The following PLCG2 variants were observed in gnomAD, a reference collection of about 807,000 sequenced individuals.
PLCG2 encodes 1-phosphatidylinositol 4,5-bisphosphate phosphodiesterase gamma-2.
A neutral mutation model predicts 175.6 loss-of-function variants in PLCG2; 69 were observed. That is an observed-to-expected ratio of 0.39 (90% CI 0.32 to 0.48). PLCG2 has a LOEUF of 0.48. PLCG2 is among the 20% of genes least tolerant of loss of function. The pLI, the probability that PLCG2 is intolerant of heterozygous loss-of-function variation, is 0.91. For missense variants in PLCG2, 1,798 were observed against 1,650.9 expected (o/e 1.09, Z -1.54); for synonymous variants, 827 against 624.0 (o/e 1.33, Z -4.85).
At chr16:81,814,017 C>T (rs796766459) in intron 2 of PLCG2, among the ~76,000 whole-genome samples, 10 of 152,240 alleles carry the variant, frequency 6.6e-5, no homozygotes, top group African/African-American at 2.4e-4. Flanking sequence ...CTCTCTGAGC[C>T]TTGACCTTGG....
At chr16:81,836,388 G>C (rs1022555150) in intron 2 of PLCG2, among the ~76,000 whole-genome samples, 4 of 152,192 alleles carry the variant, frequency 2.6e-5, no homozygotes, top group African/African-American at 9.7e-5. Flanking sequence ...GCTGTCTGCA[G>C]GGGAGAGCAC....
intron 2 of PLCG2, among the ~76,000 whole-genome samples, chr16:81,756,545 T>G (rs1306024899): frequency 6.6e-6 from 1 of 152,110 alleles, no homozygotes; most frequent in Non-Finnish European, 1.5e-5. Context: ...CCAGAGCTTA[T>G]GAAGGTGACC....
chr16:81,939,530 C>A (rs1009456923), intron 29 of PLCG2, among the ~76,000 whole-genome samples: 1 of 152,166 alleles, frequency 6.6e-6, no homozygotes, highest in South Asian at 2.1e-4. Context: ...AGCTGTAGAA[C>A]CCCCTGCTGG....
At chr16:81,829,466 C>G (rs1905175102) in intron 2 of PLCG2, among the ~76,000 whole-genome samples, 1 of 152,242 alleles carries the variant, frequency 6.6e-6, no homozygotes, top group Non-Finnish European at 1.5e-5. Flanking sequence ...GATCCACCCT[C>G]CTTGGCCTCC....
chr16:81,786,205 A>G (rs1486493902), intron 2 of PLCG2, 23 bp downstream of exon 2: 1 of 1,606,526 alleles, frequency 6.2e-7, no homozygotes, highest in Non-Finnish European at 8.5e-7. Context: ...TGGGTGGGGC[A>G]GTGTGGCCCG....
At chr16:81,912,817 C>A in intron 19 of PLCG2, 101 bp downstream of exon 19, 3 of 1,379,078 alleles carry the variant, frequency 2.2e-6, no homozygotes, top group Non-Finnish European at 2.9e-6. Context: ...ACCTGCAGTG[C>A]CCTGCCCCCC....
At chr16:81,904,968 A>C (rs1015697861) in intron 14 of PLCG2, among the ~76,000 whole-genome samples, 8 of 152,000 alleles carry the variant, frequency 5.3e-5, no homozygotes, top group African/African-American at 1.9e-4. Context: ...GCTCACTGCA[A>C]CCTCCACTTC....
chr16:81,894,284 C>T (rs921049112), intron 12 of PLCG2, among the ~76,000 whole-genome samples: 4 of 151,940 alleles, frequency 2.6e-5, no homozygotes, highest in East Asian at 1.9e-4. Flanking sequence ...AAAAAATTAG[C>T]TGTGTGTAGT....
intron 2 of PLCG2, among the ~76,000 whole-genome samples, chr16:81,767,187 C>G (rs1220302912): frequency 7.0e-6 from 1 of 142,066 alleles, no homozygotes; most frequent in East Asian, 2.3e-4. Flanking sequence ...ATCTATCACC[C>G]ACGCTGGAGT....
chr16:81,769,929 G>C (rs1285090365), intron 2 of PLCG2, among the ~76,000 whole-genome samples: 2 of 151,518 alleles, frequency 1.3e-5, no homozygotes, highest in Non-Finnish European at 1.5e-5. Flanking sequence ...TCTGAGCCTC[G>C]GTTTTCTTAT....
chr16:81,954,077 C>A lies in PLCG2; in HGVS notation c.3571-2618C>A, dbSNP rs548290865. 3.3e-5 allele frequency among the ~76,000 whole-genome samples: 5 copies of A among 152,176 alleles called. No individual in the cohort carries two copies. The South Asian group carries it at 1.0e-3, about 32-fold the overall frequency. Reference sequence around the variant, plus strand: ...TCATTGTCTTGCCCAGGCTGGAGTACAGTGGCATGATCGTGGCTCACTGCA... The same window carrying A: ...TCATTGTCTTGCCCAGGCTGGAGTAAAGTGGCATGATCGTGGCTCACTGCA... On this transcript the variant is annotated intron_variant, in intron 31 of 32. Coordinates refer to ENST00000564138, the MANE Select transcript of PLCG2 (RefSeq NM_002661.5).
chr16:81,813,017 C>T (rs756104118), intron 2 of PLCG2, among the ~76,000 whole-genome samples: 2 of 152,154 alleles, frequency 1.3e-5, no homozygotes, highest in African/African-American at 2.4e-5. Context: ...GGTCTGTGTT[C>T]TGTTGCAATG....
chr16:81,917,064 C>T (rs1028236296), intron 19 of PLCG2, among the ~76,000 whole-genome samples: 14 of 152,172 alleles, frequency 9.2e-5, no homozygotes, highest in African/African-American at 3.4e-4. Flanking sequence ...TCCCCCTGCC[C>T]CGGACCCTGG....
At chr16:81,802,628 G>T (rs1371366741) in intron 2 of PLCG2, among the ~76,000 whole-genome samples, 1 of 152,012 alleles carries the variant, frequency 6.6e-6, no homozygotes, top group Non-Finnish European at 1.5e-5. Flanking sequence ...CTGGAGTGCA[G>T]TGGCGCAATC....
At chr16:81,923,676 A>C in intron 22 of PLCG2, 82 bp downstream of exon 22, 3 of 792,448 alleles carry the variant, frequency 3.8e-6, no homozygotes, top group East Asian at 5.2e-5. Flanking sequence ...GTGCTGGCCA[A>C]GTCTGACCCC....
intron 2 of PLCG2, among the ~76,000 whole-genome samples, chr16:81,813,966 G>A (rs546853295): frequency 1.2e-4 from 19 of 152,306 alleles, no homozygotes; most frequent in African/African-American, 4.3e-4. Flanking sequence ...TGTGGCTATC[G>A]TGAATCCACC....
At chr16:81,953,189 G>C (rs1911435840) in intron 31 of PLCG2, among the ~76,000 whole-genome samples, 1 of 152,216 alleles carries the variant, frequency 6.6e-6, no homozygotes, top group Non-Finnish European at 1.5e-5. Flanking sequence ...AGGAGACTAA[G>C]GCAGCACAAT....
chr16:81,914,877 C>A (rs1217687475), intron 19 of PLCG2, among the ~76,000 whole-genome samples: 1 of 152,208 alleles, frequency 6.6e-6, no homozygotes, highest in East Asian at 1.9e-4. Flanking sequence ...GCTCAGTCCA[C>A]ACAGTGTTTC....
At chr16:81,951,670 A>ATGT (rs1477437858) in intron 31 of PLCG2, among the ~76,000 whole-genome samples, 2 of 152,354 alleles carry the variant, frequency 1.3e-5, no homozygotes, top group East Asian at 3.9e-4. Flanking sequence ...GTGAATATAG[A>ATGT]TGTTAAACTT....
Sources: gnomAD v4.1 joint callset for allele counts (sites outside exome capture counted in the v4.1 genomes callset) on GRCh38, gnomAD v4.1.1 for gene constraint, MANE v1.5 for transcripts, NCBI Gene and HGNC (gene_info 2026-07-23, HGNC 2026-07-21) for gene names.